DGKI: variants seen among roughly 807,000 people sequenced by gnomAD.
DGKI encodes diacylglycerol kinase iota.
Under a neutral mutation model 147.5 loss-of-function variants are expected in DGKI, and 55 were observed. The observed-to-expected ratio is 0.37, with a 90% CI of 0.30 to 0.47. The LOEUF (loss-of-function observed/expected upper bound fraction) is 0.47, where lower values mean the gene tolerates loss of function less well. Among genes scored for constraint, DGKI ranks in the 20% least tolerant of loss-of-function variants. The pLI is 1.00. For missense variants in DGKI, 1,007 were observed against 1,323.8 expected, an observed-to-expected ratio of 0.76 and a Z score of 3.71; for synonymous variants, 469 against 477.1, an observed-to-expected ratio of 0.98 and a Z score of 0.22.
chr7:137,472,329 G>GTATATACATTAAATATTA (rs1814977101), intron 23 of DGKI, among the ~76,000 whole-genome samples: 4 of 6,348 alleles, frequency 6.3e-4, no homozygotes, highest in African/African-American at 8.3e-4. Flanking sequence ...ATTATTATAT[G>GTATATACATTAAATATTA]TATATATACA....
chr7:137,551,797 CTGGACAA>C (rs1818054132), intron 20 of DGKI, among the ~76,000 whole-genome samples: 2 of 151,962 alleles, frequency 1.3e-5, no homozygotes, highest in African/African-American at 4.8e-5. Context: ...CAGGCTATGT[CTGGACAA>C]TAGGATGCTG....
chr7:137,773,421 G>C (rs1190814150), intron 1 of DGKI, among the ~76,000 whole-genome samples: 1 of 152,128 alleles, frequency 6.6e-6, no homozygotes, highest in Non-Finnish European at 1.5e-5. Flanking sequence ...CTCTGAAGGG[G>C]TATTCTGATC....
chr7:137,802,206 G>A (rs1364704568), intron 1 of DGKI, among the ~76,000 whole-genome samples: 1 of 152,100 alleles, frequency 6.6e-6, no homozygotes, highest in Non-Finnish European at 1.5e-5. Context: ...AAAGACATAA[G>A]GATAATATAT....
chr7:137,643,290 CAAAAAAAAAAA>C (rs10541603), intron 6 of DGKI, among the ~76,000 whole-genome samples: 1 of 61,656 alleles, frequency 1.6e-5, no homozygotes, highest in African/African-American at 7.2e-5. Flanking sequence ...GACTCCGTCT[CAAAAAAAAAAA>C]AAAAAAAAAA....
At chr7:137,433,471 G>T (rs1247993868) in intron 28 of DGKI, among the ~76,000 whole-genome samples, 1 of 152,132 alleles carries the variant, frequency 6.6e-6, no homozygotes, top group Non-Finnish European at 1.5e-5. Context: ...TAAATATTGG[G>T]ATTTCTAGTC....
intron 10 of DGKI, among the ~76,000 whole-genome samples, chr7:137,600,580 TG>T (rs1413379799): frequency 2.6e-5 from 4 of 152,196 alleles, no homozygotes; most frequent in Admixed American, 1.3e-4. Flanking sequence ...CTATCATTAA[TG>T]TATGAAAATC....
At chr7:137,757,241 G>A (rs1795717574) in intron 1 of DGKI, among the ~76,000 whole-genome samples, 1 of 152,106 alleles carries the variant, frequency 6.6e-6, no homozygotes, top group Admixed American at 6.5e-5. Flanking sequence ...CCCAGAGTCA[G>A]CAATACCATC....
At chr7:137,448,080 G>T (rs899506603) in intron 27 of DGKI, among the ~76,000 whole-genome samples, 1 of 152,086 alleles carries the variant, frequency 6.6e-6, no homozygotes, top group Non-Finnish European at 1.5e-5. Context: ...AGATAATTTT[G>T]ATTTTAGTCA....
chr7:137,392,689 G>A (rs1448752152), intron 32 of DGKI, among the ~76,000 whole-genome samples: 1 of 152,136 alleles, frequency 6.6e-6, no homozygotes, highest in Admixed American at 6.5e-5. Context: ...TATTCAACTT[G>A]TTTGCAGCCT....
chr7:137,755,513 G>A (rs538603369), intron 1 of DGKI, among the ~76,000 whole-genome samples: 7 of 152,306 alleles, frequency 4.6e-5, no homozygotes, highest in South Asian at 4.1e-4. Flanking sequence ...TCACTCACAC[G>A]TGGAACAAAG....
At chr7:137,843,689 T>G (rs1422717412) in intron 1 of DGKI, among the ~76,000 whole-genome samples, 5 of 150,710 alleles carry the variant, frequency 3.3e-5, no homozygotes, top group African/African-American at 1.2e-4. Flanking sequence ...GCCCACCCAC[T>G]CCTCATTTAT....
At chr7:137,403,869 T>G (rs1811849559) in intron 30 of DGKI, among the ~76,000 whole-genome samples, 1 of 152,226 alleles carries the variant, frequency 6.6e-6, no homozygotes, top group African/African-American at 2.4e-5. Context: ...TTCATTTACA[T>G]GAATTCAAAC....
intron 19 of DGKI, among the ~76,000 whole-genome samples, chr7:137,561,113 A>G (rs1818404980): frequency 6.6e-6 from 1 of 150,756 alleles, no homozygotes; most frequent in Non-Finnish European, 1.5e-5. Flanking sequence ...TATTGAAGAG[A>G]CATCTGTAAC....
chr7:137,768,362 A>G (rs1011230517), intron 1 of DGKI, among the ~76,000 whole-genome samples: 3 of 152,308 alleles, frequency 2.0e-5, no homozygotes, highest in African/African-American at 7.2e-5. Flanking sequence ...GCAGGACTCA[A>G]TAGTGGGGAG....
intron 32 of DGKI, among the ~76,000 whole-genome samples, chr7:137,393,349 G>A (rs1811434473): frequency 6.6e-6 from 1 of 152,106 alleles, no homozygotes; most frequent in Non-Finnish European, 1.5e-5. Context: ...TCAAGAGCCA[G>A]GTCTCCTGAT....
intron 27 of DGKI, among the ~76,000 whole-genome samples, chr7:137,455,583 ATTG>A (rs1366465569): frequency 1.6e-5 from 2 of 127,666 alleles, no homozygotes; most frequent in East Asian, 4.8e-4. Context: ...CTGTTGGAGG[ATTG>A]TTGTTCTTAT....
chr7:137,426,198 C>T (rs998728605), intron 28 of DGKI, among the ~76,000 whole-genome samples: 2 of 152,170 alleles, frequency 1.3e-5, no homozygotes, highest in African/African-American at 4.8e-5. Flanking sequence ...AACAGCGGAT[C>T]TCTGGGCAGA....
intron 21 of DGKI, among the ~76,000 whole-genome samples, chr7:137,504,131 T>C (rs1208830594): frequency 3.3e-5 from 5 of 152,178 alleles, no homozygotes; most frequent in Admixed American, 2.0e-4. Flanking sequence ...GTGAAAGTGA[T>C]AATGGGATTT....
At chr7:137,529,204 T>A (rs1367403585) in intron 20 of DGKI, among the ~76,000 whole-genome samples, 1 of 152,152 alleles carries the variant, frequency 6.6e-6, no homozygotes, top group African/African-American at 2.4e-5. Context: ...GCGTGAATGA[T>A]GAGAAATTAC....
Sources: allele counts gnomAD v4.1 joint callset (sites outside exome capture counted in the v4.1 genomes callset), GRCh38; gene constraint gnomAD v4.1.1; transcripts MANE v1.5; gene names NCBI Gene and HGNC (gene_info 2026-07-23, HGNC 2026-07-21).